DPRX: variants seen among roughly 807,000 people sequenced by gnomAD.
DPRX encodes the protein divergent-paired related homeobox.
A neutral mutation model predicts 8.4 loss-of-function variants in DPRX; 11 were observed. The ratio of observed to expected loss-of-function variants is 1.31; its 90% CI spans 0.82 to 2.17. The LOEUF (loss-of-function observed/expected upper bound fraction) is 2.17. DPRX is among the 30% of genes most tolerant of loss of function. DPRX has a pLI of 0.00. For missense variants in DPRX, 211 were observed against 236.7 expected (o/e 0.89, Z 0.71); for synonymous variants, 72 against 87.0 (o/e 0.83, Z 0.96).
At chr19:53,603,548 C>T in the DPRX span, 6 of 390,878 alleles carry the variant, frequency 1.5e-5, no homozygotes, top group Admixed American at 1.4e-4. Flanking sequence ...CTGGCTGGTA[C>T]CTGAATTAGA....
chr19:53,611,215 C>T, the DPRX span, among the ~76,000 whole-genome samples: 2 of 151,782 alleles, frequency 1.3e-5, no homozygotes, highest in African/African-American at 4.8e-5. Context: ...AAGTGACCTT[C>T]TAAAAAAAAC....
At chr19:53,635,017 G>C (rs1195803350) in intron 2 of DPRX, among the ~76,000 whole-genome samples, 1 of 152,186 alleles carries the variant, frequency 6.6e-6, no homozygotes, top group African/African-American at 2.4e-5. Flanking sequence ...CTTTTACTCA[G>C]GTTGGAGCAC....
chr19:53,606,102 A>G, the DPRX span: 2 of 152,248 alleles, frequency 1.3e-5, no homozygotes, highest in Non-Finnish European at 2.9e-5. The surrounding 1 kb of genome is among the most constrained non-coding windows in gnomAD (Gnocchi z 4.8). Context: ...TAGAAAATGG[A>G]TGAAAGAAAG....
At chr19:53,616,837 C>A in the DPRX span, 3 of 1,600,130 alleles carry the variant, frequency 1.9e-6, no homozygotes, top group Non-Finnish European at 2.6e-6. Flanking sequence ...GTTCTTAGCG[C>A]TTGAATGTCC....
exon 2 of DPRX, chr19:53,634,609 A>G (rs2091105413): frequency 1.2e-6 from 2 of 1,614,082 alleles, no homozygotes; most frequent in African/African-American, 1.3e-5. Flanking sequence ...ATCTTGTTCA[A>G]TGAGAACCCA....
the DPRX span, among the ~76,000 whole-genome samples, chr19:53,624,343 C>T: frequency 0.073 from 4,270 of 58,858 alleles, 109 homozygotes; most frequent in South Asian, 0.22. Flanking sequence ...CCCTCCCTGG[C>T]CTCCCAAAGG....
At chr19:53,603,329 C>T in the DPRX span, 8 of 455,784 alleles carry the variant, frequency 1.8e-5, no homozygotes, top group South Asian at 9.3e-5. Context: ...CAAAACACCC[C>T]GCGGAGAAAC....
At chr19:53,616,015 C>T in the DPRX span, among the ~76,000 whole-genome samples, 26 of 151,758 alleles carry the variant, frequency 1.7e-4, no homozygotes, top group East Asian at 3.3e-3. Context: ...CACTTTGGGA[C>T]GCCGAGGCGG....
upstream of DPRX, among the ~76,000 whole-genome samples, chr19:53,627,435 C>CTTTTT (rs759332421): frequency 2.9e-5 from 3 of 102,520 alleles, 1 homozygote; most frequent in Non-Finnish European, 4.2e-5. Flanking sequence ...TTCTTTCTTT[C>CTTTTT]TTTCTTTTTT....
chr19:53,613,004 T>C, the DPRX span, among the ~76,000 whole-genome samples: 96 of 152,036 alleles, frequency 6.3e-4, no homozygotes, highest in Non-Finnish European at 1.2e-3. Context: ...ACAGGGAAGA[T>C]GGAGGGAAAA....
At chr19:53,602,921 C>T in the DPRX span, among the ~76,000 whole-genome samples, 1 of 151,642 alleles carries the variant, frequency 6.6e-6, no homozygotes, top group Non-Finnish European at 1.5e-5. Flanking sequence ...AAGTGATCCA[C>T]TTGCCTCAGC....
chr19:53,603,262 C>T, the DPRX span: 1 of 448,732 alleles, frequency 2.2e-6, no homozygotes, highest in Non-Finnish European at 4.5e-6. Context: ...CACAACTCCT[C>T]TCAACTACCA....
At chr19:53,610,438 C>T in the DPRX span, among the ~76,000 whole-genome samples, 1 of 152,074 alleles carries the variant, frequency 6.6e-6, no homozygotes, top group African/African-American at 2.4e-5. Context: ...TATCACGTGC[C>T]CCATTAATAT....
chr19:53,602,653 T>C, the DPRX span, among the ~76,000 whole-genome samples: 17,457 of 151,474 alleles, frequency 0.12, 2,423 homozygotes, highest in African/African-American at 0.33. Context: ...CCTGCCTCAG[T>C]CTCCCCGAGT....
the DPRX span, chr19:53,603,276 C>T: frequency 2.2e-6 from 1 of 452,976 alleles, no homozygotes. Flanking sequence ...ACTACCAAAG[C>T]CCCACACTCC....
At chr19:53,606,193 G>C in the DPRX span, 1 of 152,162 alleles carries the variant, frequency 6.6e-6, no homozygotes, top group Non-Finnish European at 1.5e-5. This position sits in a 1 kb window ranked among gnomAD's most constrained non-coding sequence, Gnocchi z 4.8. Flanking sequence ...GCGTGGATCC[G>C]GGCGAGTCCG....
chr19:53,625,313 A>G, the DPRX span, among the ~76,000 whole-genome samples: 1 of 151,856 alleles, frequency 6.6e-6, no homozygotes, highest in East Asian at 1.9e-4. Context: ...TCGGCCTCTC[A>G]CTGGTACTCT....
chr19:53,606,715 GCTT>G, the DPRX span: 2 of 150,204 alleles, frequency 1.3e-5, no homozygotes, highest in African/African-American at 2.5e-5. This position sits in a 1 kb window ranked among gnomAD's most constrained non-coding sequence, Gnocchi z 4.8. Context: ...AGGGTGGAGG[GCTT>G]CTTCTCCTGC....
At chr19:53,618,974 G>A in the DPRX span, among the ~76,000 whole-genome samples, 20 of 152,056 alleles carry the variant, frequency 1.3e-4, no homozygotes, top group South Asian at 8.3e-4. Flanking sequence ...GAGCCACCGC[G>A]CCCAGCCAGT....
Sources: allele counts gnomAD v4.1 joint callset (sites outside exome capture counted in the v4.1 genomes callset), GRCh38; gene constraint gnomAD v4.1.1; non-coding constraint Gnocchi (gnomAD v3.1); transcripts MANE v1.5; gene names NCBI Gene and HGNC (gene_info 2026-07-23, HGNC 2026-07-21).